The following ABCC1 variants were observed in gnomAD, a reference collection of about 807,000 sequenced individuals.
The protein encoded by ABCC1 is ATP binding cassette subfamily C member 1 (ABCC1 blood group).
A neutral mutation model predicts 172.9 loss-of-function variants in ABCC1; 83 were observed. That is an observed-to-expected ratio of 0.48 (90% CI 0.40 to 0.58). The LOEUF is 0.58. Ranked by LOEUF, ABCC1 falls within the 20% of genes least tolerant of loss-of-function variation. ABCC1 has a pLI of 0.00. For synonymous variants in ABCC1, 937 were observed against 825.2 expected, an observed-to-expected ratio of 1.14 and a Z score of -2.32; for missense variants, 1,817 against 2,002.7, an observed-to-expected ratio of 0.91 and a Z score of 1.77.
intron 7 of ABCC1, among the ~76,000 whole-genome samples, chr16:16,037,849 C>T (rs927042811): frequency 1.3e-5 from 2 of 152,212 alleles, no homozygotes; most frequent in South Asian, 2.1e-4. Context: ...CAGAGGACCT[C>T]GTGACTCCGG....
At chr16:15,989,094 T>TA (rs1030975917) in intron 1 of ABCC1, among the ~76,000 whole-genome samples, 5 of 135,590 alleles carry the variant, frequency 3.7e-5, no homozygotes, top group South Asian at 2.3e-4. Flanking sequence ...AAAAAAAAAT[T>TA]AGTTTTGCAT....
intron 1 of ABCC1, among the ~76,000 whole-genome samples, chr16:15,966,406 TC>T (rs1400333662): frequency 1.2e-3 from 66 of 55,428 alleles, no homozygotes; most frequent in Non-Finnish European, 2.0e-3. Flanking sequence ...AGAGACTTTA[TC>T]TTAAAAAAAA....
chr16:16,088,701 A>G (rs1224707743), intron 18 of ABCC1, among the ~76,000 whole-genome samples: 5 of 140,296 alleles, frequency 3.6e-5, no homozygotes, highest in South Asian at 2.2e-4. Flanking sequence ...AACATGGCCA[A>G]TGTATTTTTT....
intron 3 of ABCC1, 76 bp downstream of exon 3, chr16:16,009,977 T>A (rs2047714920): frequency 3.2e-6 from 4 of 1,246,930 alleles, no homozygotes; most frequent in Non-Finnish European, 4.2e-6. Flanking sequence ...CTCGTAAGAC[T>A]AGAATCATAG....
At chr16:16,069,152 T>TAAAAAA (rs1567368876) in intron 13 of ABCC1, among the ~76,000 whole-genome samples, 1 of 141,740 alleles carries the variant, frequency 7.1e-6, no homozygotes, top group African/African-American at 2.7e-5. Flanking sequence ...TAAAAAAAAA[T>TAAAAAA]AAAATAAAAT....
In ABCC1 at chr16:16,141,375, C is replaced by G; in HGVS notation, c.*94C>G. On this transcript the variant is annotated 3_prime_UTR_variant, in exon 31 of 31. Transcript: ENST00000399410. The stretch of plus-strand genomic sequence containing the variant: ...CCCCTGGTAAACCAAGCCTCCCACA[C>G]TGAAACCAAAACATAAAAACCAAAC... The G allele has an allele frequency of 8.4e-7, 1 of 1,195,992 alleles. No individual in the cohort carries two copies. Among genetic ancestry groups the G allele is most frequent in the Non-Finnish European group, 1.2e-6 (1 of 832,118 alleles). The allele number at this position is 1,195,992 out of a possible 1,614,324, so 74.1% of individuals were successfully genotyped here. A position where few individuals can be genotyped will look rare whatever the true frequency, so the allele number is the denominator to read the frequency against.
chr16:16,091,552 A>G (rs867733580), intron 19 of ABCC1, among the ~76,000 whole-genome samples: 6 of 152,164 alleles, frequency 3.9e-5, no homozygotes, highest in Admixed American at 1.3e-4. Flanking sequence ...TTGCATTGGC[A>G]TGGGAAGGAG....
At chr16:15,975,012 C>G (rs941791400) in intron 1 of ABCC1, among the ~76,000 whole-genome samples, 4 of 152,138 alleles carry the variant, frequency 2.6e-5, no homozygotes, top group Non-Finnish European at 5.9e-5. Flanking sequence ...GTCTTGAATG[C>G]CTGACCTCAA....
At chr16:16,007,339 C>T (rs904025927) in intron 1 of ABCC1, among the ~76,000 whole-genome samples, 2 of 151,994 alleles carry the variant, frequency 1.3e-5, no homozygotes, top group Non-Finnish European at 2.9e-5. Flanking sequence ...GCACTCCTCC[C>T]ACTTCAGCCG....
At chr16:15,985,921 C>T (rs1179992049) in intron 1 of ABCC1, among the ~76,000 whole-genome samples, 5 of 152,042 alleles carry the variant, frequency 3.3e-5, no homozygotes, top group Non-Finnish European at 7.4e-5. Flanking sequence ...CTGTCTTCCT[C>T]AATTCGTGGT....
intron 12 of ABCC1, among the ~76,000 whole-genome samples, chr16:16,058,405 C>T (rs2049763083): frequency 6.6e-6 from 1 of 152,154 alleles, no homozygotes; most frequent in Non-Finnish European, 1.5e-5. Context: ...TTCTGTGAAG[C>T]AGAGTTAAAC....
chr16:16,075,545 C>T (rs531920802), intron 14 of ABCC1, among the ~76,000 whole-genome samples: 4 of 152,196 alleles, frequency 2.6e-5, no homozygotes, highest in South Asian at 4.1e-4. Flanking sequence ...GTGGGAGAAT[C>T]GCCTGCGCCT....
chr16:16,118,377 G>A (rs34313407), intron 23 of ABCC1, among the ~76,000 whole-genome samples: 4 of 150,692 alleles, frequency 2.7e-5, no homozygotes. Context: ...AGAGAGAGTA[G>A]GTCCAGTTCC....
At chr16:16,104,123 T>G (rs780248534) in intron 20 of ABCC1, among the ~76,000 whole-genome samples, 18 of 152,146 alleles carry the variant, frequency 1.2e-4, no homozygotes, top group Non-Finnish European at 2.1e-4. Context: ...TGGTGAGTGT[T>G]ACAGCTCACA....
chr16:16,066,118 GTC>G (rs2050105157), intron 12 of ABCC1, among the ~76,000 whole-genome samples: 2 of 152,042 alleles, frequency 1.3e-5, no homozygotes, highest in Admixed American at 1.3e-4. Flanking sequence ...CTTTCTGTCT[GTC>G]TCTGTTTATC....
rs1229846793 is a variant in ABCC1 at position 16,059,927 on chromosome 16, C to T, written c.1677+3632C>T. 3.3e-5 allele frequency among the ~76,000 whole-genome samples: 5 copies of T among 151,224 alleles called. No homozygotes were observed. In the East Asian group the frequency reaches 5.8e-4, roughly 18 times the overall value. ...ACGGGAATCGTTTGAACCCGGGAGG[C>T]GGAGATCGCAGCGAGCTGAGGTCAC... On this transcript the variant is annotated intron_variant, in intron 12 of 30. Transcript: ENST00000399410.
At chr16:15,979,490 TTC>T (rs969384546) in intron 1 of ABCC1, among the ~76,000 whole-genome samples, 5 of 145,088 alleles carry the variant, frequency 3.4e-5, no homozygotes, top group East Asian at 2.0e-4. Flanking sequence ...CTGGGGCTTA[TTC>T]TCTCTCTCTC....
At chr16:16,110,509 C>T (rs1473833074) in intron 21 of ABCC1, among the ~76,000 whole-genome samples, 2 of 152,112 alleles carry the variant, frequency 1.3e-5, no homozygotes, top group Non-Finnish European at 2.9e-5. Context: ...CTTGCCTCAG[C>T]CTCCCGAGTA....
At chr16:16,025,528 A>G (rs1297772844) in intron 5 of ABCC1, among the ~76,000 whole-genome samples, 1 of 152,206 alleles carries the variant, frequency 6.6e-6, no homozygotes, top group Non-Finnish European at 1.5e-5. Flanking sequence ...TGCTGGGTGC[A>G]GGGGTTGTGG....
Sources: gnomAD v4.1 joint callset for allele counts (sites outside exome capture counted in the v4.1 genomes callset) on GRCh38, gnomAD v4.1.1 for gene constraint, MANE v1.5 for transcripts, NCBI Gene and HGNC (gene_info 2026-07-23, HGNC 2026-07-21) for gene names.